Variants in PLIN4 observed in about 807,000 individuals in gnomAD.
The protein encoded by PLIN4 is perilipin 4.
Under a neutral mutation model 52.4 loss-of-function variants are expected in PLIN4, and 57 were observed. The observed-to-expected ratio is 1.09, with a 90% confidence interval of 0.88 to 1.36. PLIN4 has a LOEUF of 1.36. Among genes scored for constraint, PLIN4 ranks in the 40% most tolerant of loss-of-function variants. The probability of loss-of-function intolerance (pLI) is 0.00; values close to 1 mark genes in which losing one functional copy is unlikely to be tolerated. For missense variants in PLIN4, 1,757 were observed against 1,770.3 expected (o/e 0.99, Z 0.13); for synonymous variants, 826 against 785.4 (o/e 1.05, Z -0.86).
Position 4,518,486 on chromosome 19 carries a change from T to G in PLIN4, c.-119A>C. 2.5e-6 allele frequency: 3 copies of G among 1,212,742 alleles called. No homozygotes were observed. The highest frequency in any genetic ancestry group is 3.1e-6 in the Non-Finnish European group (3 of 976,224). 75.1% of individuals were successfully genotyped at this position (1,212,742 alleles called of 1,614,324 possible). A position where few individuals can be genotyped will look rare whatever the true frequency, so the allele number is the denominator to read the frequency against. On this transcript the variant is annotated 5_prime_UTR_variant, in exon 1 of 8. Transcript: ENST00000301286. The stretch of plus-strand genomic sequence containing the variant: ...AGGACGGACCGGCCCGGCTGGCAGC[T>G]GGCTCTACCCTCAGCTCCCTGGCCT...
At chr19:4,514,159 C>T (rs139074215) in intron 4 of PLIN4, among the ~76,000 whole-genome samples, 51 of 152,296 alleles carry the variant, frequency 3.3e-4, no homozygotes, top group African/African-American at 1.1e-3. Context: ...TTATTAAAAT[C>T]ATTATATCCA....
chr19:4,509,526 G>A (rs932226733), intron 5 of PLIN4, among the ~76,000 whole-genome samples: 6 of 151,940 alleles, frequency 3.9e-5, no homozygotes, highest in Non-Finnish European at 8.8e-5. Context: ...TCGGGAGGCT[G>A]AGCAGGAGAA....
At position 4,512,233 on chromosome 19, in the gene PLIN4, G is replaced by A. The variant is rs528441447; in HGVS notation, c.1727C>T (p.Ala576Val). The A allele has an allele frequency of 7.9e-5, 127 of 1,611,432 alleles. 1 individual carries two copies. In the South Asian group the frequency reaches 1.3e-3, roughly 16 times the overall value. ...DTMSTGLTGAANVAKGAVQTG... is the reference protein window; with the variant it reads ...DTMSTGLTGAVNVAKGAVQTG... ...CTGGACAGCCCCCTTGGCCACATTC[G>A]CTGCCCCCGTGAGCCCAGTGGACAT... The change falls in exon 5 of 8, where the codon GCG becomes GTG. Residue 576 changes from alanine (A) to valine (V), a missense_variant. By Grantham distance (64) the Ala-to-Val change is moderately conservative. Around this residue, in one of 7 missense-constraint regions of PLIN4, gnomAD observed 439 missense variants for 406.4 expected, o/e 1.08. Coordinates refer to ENST00000301286, the MANE Select transcript of PLIN4 (RefSeq NM_001367868.2).
rs1160953398 is a variant in PLIN4 at position 4,516,660 on chromosome 19, T to C, written c.215A>G (p.Gln72Arg). The C allele has an allele frequency of 6.2e-7, 1 of 1,600,342 alleles. No individual in the cohort carries two copies. Among genetic ancestry groups the C allele is most frequent in the East Asian group, 2.3e-5 (1 of 44,298 alleles). The change falls in exon 4 of 8, where the codon CAG (glutamine) becomes CGG (arginine). Residue 72 changes from glutamine (Q) to arginine (R), a missense_variant. By Grantham distance (43) the Gln-to-Arg change is conservative. Coordinates refer to ENST00000301286, the MANE Select transcript of PLIN4 (RefSeq NM_001367868.2). The part of the protein sequence containing the change: ...PQAQVAAHPE[Q>R]TAPWTEKELQ... ...CTCCTTCTCCGTCCATGGGGCCGTC[T>C]GCTCTGGGTGGGCAGCCACTGTGGG... is the stretch of plus-strand genomic sequence containing the variant.
chr19:4,506,531 C>G (rs779385544), intron 6 of PLIN4, among the ~76,000 whole-genome samples: 3 of 152,224 alleles, frequency 2.0e-5, no homozygotes, highest in Non-Finnish European at 4.4e-5. Context: ...TGGCGCCCCC[C>G]ACCCCCCAAG....
chr19:4,513,960 C>T (rs915829045), intron 4 of PLIN4, among the ~76,000 whole-genome samples: 3 of 152,342 alleles, frequency 2.0e-5, no homozygotes, highest in Admixed American at 6.5e-5. Flanking sequence ...TCCATTCTCA[C>T]GCACCCCCTT....
Position 4,513,591 on chromosome 19 carries a change from TCCCTGGAC to T in PLIN4, c.361_368del (p.Val121ArgfsTer28). ...GTGCAGACCGAGTGGTGTCCAGGCCTCCCTGGACCACTCCCTTAGCCACGTCCACCACG... is the reference window on the plus strand; with the variant it reads ...GTGCAGACCGAGTGGTGTCCAGGCCTCACTCCCTTAGCCACGTCCACCACG... On this transcript the variant is annotated frameshift_variant, in exon 5 of 8. Coordinates refer to ENST00000301286, the MANE Select transcript of PLIN4 (RefSeq NM_001367868.2). LOFTEE classifies it high-confidence loss of function. 2 of 1,605,626 alleles carry T rather than the reference TCCCTGGAC, an allele frequency of 1.2e-6. No individual in the cohort carries two copies. Among genetic ancestry groups the T allele is most frequent in the African/African-American group, 2.7e-5 (2 of 74,768 alleles).
chr19:4,510,782 G>T lies in PLIN4; in HGVS notation c.3178C>A (p.Pro1060Thr). 1 of 1,586,562 alleles carries T rather than the reference G, an allele frequency of 6.3e-7. No homozygotes were observed. The highest frequency in any genetic ancestry group is 1.1e-5 in the South Asian group (1 of 88,382). Reference protein sequence around the residue: ...STFQNWLPSTPATSWGGLTSS... With the variant: ...STFQNWLPSTTATSWGGLTSS... ...GTGAGTCCACCCCAGGAGGTGGCGGGGGTACTAGGTAACCAGTTCTGGAAG... is the reference window on the plus strand; with the variant it reads ...GTGAGTCCACCCCAGGAGGTGGCGGTGGTACTAGGTAACCAGTTCTGGAAG... The change falls in exon 5 of 8, where the codon CCC becomes ACC. Residue 1060 changes from proline (P) to threonine (T), a missense_variant. Physicochemically the swap from Pro to Thr is conservative, Grantham distance 38. Transcript: ENST00000301286.
chr19:4,512,829 G>A lies in PLIN4; in HGVS notation c.1131C>T (p.Ala377=), dbSNP rs201548898. 6.1e-5 allele frequency: 95 copies of A among 1,544,928 alleles called. 14 individuals carry two copies. The highest frequency in any genetic ancestry group is 1.7e-4 in the Middle Eastern group (1 of 5,806). ...KNTVCSGVTG[A]VNLAKEAIQG... The stretch of plus-strand genomic sequence containing the variant: ...GGATGGCCTCTTTGGCCAAGTTCAC[G>A]GCACCGGTCACCCCACTGCAGACAG... Residue 377 remains alanine, a synonymous_variant, in exon 5 of 8, where the codon GCC becomes GCT. Transcript: ENST00000301286.
intron 5 of PLIN4, 78 bp downstream of exon 5, chr19:4,510,368 A>G: frequency 1.6e-6 from 2 of 1,287,108 alleles, no homozygotes; most frequent in Non-Finnish European, 2.0e-6. Context: ...TCTGTCTCAA[A>G]AAAAAAAACA....
At chr19:4,505,250 T>G (rs1314793787) in intron 6 of PLIN4, among the ~76,000 whole-genome samples, 1 of 152,176 alleles carries the variant, frequency 6.6e-6, no homozygotes, top group East Asian at 1.9e-4. Flanking sequence ...CACCATGGCC[T>G]TGGTGGGCTG....
In PLIN4 at chr19:4,513,388, A is replaced by C; in HGVS notation, c.572T>G (p.Val191Gly). The C allele has an allele frequency of 6.2e-7, 1 of 1,613,508 alleles. No individual in the cohort carries two copies. The highest frequency in any genetic ancestry group is 8.5e-7 in the Non-Finnish European group (1 of 1,179,858). Residue 191 changes from valine (V) to glycine (G), a missense_variant, in exon 5 of 8, where the codon GTG becomes GGG. This residue lies in a region of PLIN4 where 332 missense variants were observed against 310.8 expected (regional missense o/e 1.07). Transcript: ENST00000301286. ...GGTCAGCACAGTCTTGGTGGTGTCC[A>C]CACCGGCCTGTACGGTCCCTTTGGC... ...NVAKGTVQAG[V>G]DTTKTVLTGT... is the part of the protein sequence containing the mutation.
rs751393845 is a variant in PLIN4 at position 4,510,666 on chromosome 19, C to T, written c.3294G>A (p.Val1098=). The T allele has an allele frequency of 6.6e-7, 1 of 1,517,634 alleles. No homozygotes were observed. Among genetic ancestry groups the T allele is most frequent in the East Asian group, 2.3e-5 (1 of 44,092 alleles). 94.0% of individuals were successfully genotyped at this position (1,517,634 alleles called of 1,614,324 possible). Reference sequence around the variant, plus strand: ...AGGCAGGCTCCGGGCCTACACTGAGCACATCCGGGGGCGTGGAGATGCCAG... The same window carrying T: ...AGGCAGGCTCCGGGCCTACACTGAGTACATCCGGGGGCGTGGAGATGCCAG... ...PFSGISTPPD[V]LSVGPEPAWE... is the part of the protein sequence containing the mutation. The change falls in exon 5 of 8, where the codon GTG becomes GTA. Residue 1098 remains valine (V), a synonymous_variant. Transcript: ENST00000301286.
chr19:4,505,097 T>C (rs1408134570), intron 6 of PLIN4, 150 bp from the exon 7 acceptor site: 3 of 724,124 alleles, frequency 4.1e-6, no homozygotes, highest in South Asian at 1.7e-5. Flanking sequence ...AGTGGGCGTG[T>C]TGTCTTGCAG....
intron 5 of PLIN4, among the ~76,000 whole-genome samples, chr19:4,509,484 G>A (rs1976219616): frequency 6.6e-6 from 1 of 151,188 alleles, no homozygotes; most frequent in African/African-American, 2.4e-5. Context: ...AATTAGCCGG[G>A]TGTGGTGGCG....
At chr19:4,516,813 G>C in intron 3 of PLIN4, 135 bp from the exon 4 acceptor site, 1 of 933,298 alleles carries the variant, frequency 1.1e-6, no homozygotes, top group Non-Finnish European at 1.5e-6. Flanking sequence ...GACAGCAGGA[G>C]GTGACATCCA....
At position 4,504,945 on chromosome 19, in the gene PLIN4, A is replaced by C. The variant is rs1976047614; in HGVS notation, c.3705T>G (p.Ile1235Met). 6.2e-7 allele frequency: 1 copy of C among 1,601,792 alleles called. No individual in the cohort carries two copies. The change falls in exon 7 of 8, where the codon ATT (isoleucine) becomes ATG (methionine). Residue 1235 changes from isoleucine to methionine, a missense_variant and splice_region_variant. Ile to Met is a conservative substitution (Grantham distance 10). This residue lies in a region of PLIN4 where 712 missense variants were observed against 637.1 expected (regional missense o/e 1.12). Coordinates refer to ENST00000301286, the MANE Select transcript of PLIN4 (RefSeq NM_001367868.2). ...LAQLQDCFRL[I>M]EKAQQAPEGQ... is the part of the protein sequence containing the mutation. Reference sequence around the variant, plus strand: ...CTTCTGGAGCCTGCTGGGCCTTTTCAATCTGGAGAGAGAGTACAGTGGGGA... The same window carrying C: ...CTTCTGGAGCCTGCTGGGCCTTTTCCATCTGGAGAGAGAGTACAGTGGGGA...
intron 6 of PLIN4, among the ~76,000 whole-genome samples, chr19:4,506,156 C>T (rs1014314735): frequency 6.6e-6 from 1 of 152,142 alleles, no homozygotes; most frequent in African/African-American, 2.4e-5. Flanking sequence ...TGGATCAGGC[C>T]GCTCCTCTGC....
chr19:4,513,865 C>T (rs1354379426), intron 4 of PLIN4, among the ~76,000 whole-genome samples, 164 bp from the exon 5 acceptor site: 13 of 152,212 alleles, frequency 8.5e-5, no homozygotes, highest in South Asian at 2.1e-4. Flanking sequence ...ACCCCGACCC[C>T]GGTCAGCCAG....
Sources: allele counts gnomAD v4.1 joint callset (sites outside exome capture counted in the v4.1 genomes callset), GRCh38; gene constraint gnomAD v4.1.1; regional missense constraint gnomAD v4.1.1; transcripts MANE v1.5; gene names NCBI Gene and HGNC (gene_info 2026-07-23, HGNC 2026-07-21).